The following SHCBP1 variants were observed in gnomAD, a reference collection of about 807,000 sequenced individuals.
SHCBP1 encodes SHC SH2 domain-binding protein 1.
SHCBP1 carries 60 observed loss-of-function variants against 75.1 expected under a neutral mutation model. That is an observed-to-expected ratio of 0.80 (90% CI 0.65 to 0.99). The LOEUF (loss-of-function observed/expected upper bound fraction) is 0.99, where lower values mean the gene tolerates loss of function less well. SHCBP1 is among the 50% of genes least tolerant of loss of function. The probability of loss-of-function intolerance (pLI) is 0.00; values close to 1 mark genes in which losing one functional copy is unlikely to be tolerated. For synonymous variants in SHCBP1, 290 were observed against 293.2 expected (o/e 0.99, Z 0.11); for missense variants, 709 against 809.4 (o/e 0.88, Z 1.50).
At chr16:46,599,140 C>T (rs967525778) in intron 9 of SHCBP1, among the ~76,000 whole-genome samples, 1 of 152,186 alleles carries the variant, frequency 6.6e-6, no homozygotes. Flanking sequence ...CATGTGTTCA[C>T]TAGAGTAGTG....
At chr16:46,592,353 T>C (rs914118358) in intron 10 of SHCBP1, among the ~76,000 whole-genome samples, 1 of 152,158 alleles carries the variant, frequency 6.6e-6, no homozygotes, top group Non-Finnish European at 1.5e-5. Context: ...AACTTAGAAG[T>C]AGTAGTCCAA....
chr16:46,607,273 T>G (rs957060612), intron 5 of SHCBP1, among the ~76,000 whole-genome samples: 1 of 152,104 alleles, frequency 6.6e-6, no homozygotes, highest in Non-Finnish European at 1.5e-5. Flanking sequence ...GAGGGACACT[T>G]GAGCCCAGGA....
At chr16:46,608,475 A>G in intron 4 of SHCBP1, 86 bp from the exon 5 acceptor site, 1 of 835,300 alleles carries the variant, frequency 1.2e-6, no homozygotes, top group Non-Finnish European at 2.0e-6. Context: ...AGAGTAAATC[A>G]AAACAATTCT....
rs1051810165 is a variant in SHCBP1, at chr16:46,604,076, T to C, written c.991A>G (p.Ile331Val). The C allele has an allele frequency of 1.2e-6, 2 of 1,614,224 alleles. No homozygotes were observed. Among genetic ancestry groups the C allele is most frequent in the Non-Finnish European group, 1.7e-6 (2 of 1,180,040 alleles). The change falls in exon 7 of 13, where the codon ATC becomes GTC. Residue 331 changes from isoleucine (I) to valine (V), a missense_variant. Physicochemically the swap from Ile to Val is conservative, Grantham distance 29. Coordinates refer to ENST00000303383, the MANE Select transcript of SHCBP1 (RefSeq NM_024745.5). ...AKGVRSSGQK[I>V]THVVSSTMMA... ...ATGGTGGAGGAGACCACATGAGTGA[T>C]CTTCTGACCGCTGGAACGGACACCC...
intron 10 of SHCBP1, among the ~76,000 whole-genome samples, chr16:46,595,344 A>G (rs1378696807): frequency 6.6e-6 from 1 of 152,238 alleles, no homozygotes; most frequent in Non-Finnish European, 1.5e-5. Flanking sequence ...TTAAAGCTAC[A>G]TAAAGTCATT....
In SHCBP1 at chr16:46,616,296, C is replaced by T. The variant is rs1043188770; in HGVS notation, c.388-142G>A. ...CCCATAATATAAAGGATGAACAAGACAGGCTGCCTCTTACCCTCATGGAGC... is the reference window on the plus strand; with the variant it reads ...CCCATAATATAAAGGATGAACAAGATAGGCTGCCTCTTACCCTCATGGAGC... On this transcript the variant is annotated intron_variant, in intron 3 of 12. Coordinates refer to ENST00000303383, the MANE Select transcript of SHCBP1 (RefSeq NM_024745.5). The surrounding 1 kb of genome is among the most constrained non-coding windows in gnomAD (Gnocchi z 4.4). 8.0e-6 allele frequency: 6 copies of T among 749,652 alleles called. No individual in the cohort carries two copies. The highest frequency in any genetic ancestry group is 1.3e-5 in the Non-Finnish European group (6 of 454,324). 46.4% of individuals were successfully genotyped at this position (749,652 alleles called of 1,614,324 possible).
chr16:46,591,857 A>T (rs1242508410), intron 10 of SHCBP1, among the ~76,000 whole-genome samples: 4 of 152,154 alleles, frequency 2.6e-5, no homozygotes, highest in African/African-American at 9.6e-5. Context: ...AGATAATAGT[A>T]AAACTCCAAA....
chr16:46,621,018 GC>G, intron 1 of SHCBP1: 2 of 429,564 alleles, frequency 4.7e-6, no homozygotes, highest in Non-Finnish European at 8.2e-6. Context: ...CTCGGGGCGG[GC>G]GGAGGCCAGA....
intron 10 of SHCBP1, 86 bp downstream of exon 10, chr16:46,595,466 A>G: frequency 9.9e-7 from 1 of 1,014,586 alleles, no homozygotes; most frequent in African/African-American, 1.6e-5. Flanking sequence ...GAGTGGGAGT[A>G]CACACATACA....
intron 10 of SHCBP1, among the ~76,000 whole-genome samples, chr16:46,588,944 C>A (rs1428616378): frequency 2.0e-5 from 3 of 152,186 alleles, no homozygotes; most frequent in Non-Finnish European, 2.9e-5. Context: ...CAAACCGAAT[C>A]CAGCAGCACA....
intron 4 of SHCBP1, among the ~76,000 whole-genome samples, chr16:46,614,200 T>C (rs2143001868): frequency 6.6e-6 from 1 of 152,272 alleles, no homozygotes; most frequent in Non-Finnish European, 1.5e-5. Flanking sequence ...TTGCATACAA[T>C]TAGAAACTGT....
chr16:46,586,765 C>G (rs1472042095), intron 10 of SHCBP1, among the ~76,000 whole-genome samples: 1 of 151,998 alleles, frequency 6.6e-6, no homozygotes, highest in Non-Finnish European at 1.5e-5. Flanking sequence ...GCATCAGAAA[C>G]CATGGACGTC....
At chr16:46,619,245 C>A (rs557487089) in intron 1 of SHCBP1, among the ~76,000 whole-genome samples, 4 of 152,300 alleles carry the variant, frequency 2.6e-5, no homozygotes, top group African/African-American at 9.6e-5. Context: ...GAAACAACTA[C>A]TAAATAAGCA....
chr16:46,603,390 A>G (rs1965273277), intron 8 of SHCBP1, 149 bp downstream of exon 8: 5 of 1,143,600 alleles, frequency 4.4e-6, no homozygotes, highest in South Asian at 3.1e-5. Context: ...ACCTCTTTTC[A>G]GCTTTCCATG....
chr16:46,601,774 G>T (rs1430097406), intron 8 of SHCBP1, among the ~76,000 whole-genome samples: 1 of 152,148 alleles, frequency 6.6e-6, no homozygotes, highest in Non-Finnish European at 1.5e-5. Flanking sequence ...ATTGCATATT[G>T]AGAAAAGATT....
chr16:46,588,717 A>G (rs1334598393), intron 10 of SHCBP1, among the ~76,000 whole-genome samples: 1 of 152,248 alleles, frequency 6.6e-6, no homozygotes, highest in African/African-American at 2.4e-5. Flanking sequence ...GACCAGACGG[A>G]TTCACAGCCG....
chr16:46,618,834 G>C (rs184206466), intron 1 of SHCBP1, among the ~76,000 whole-genome samples: 1 of 152,272 alleles, frequency 6.6e-6, no homozygotes, highest in East Asian at 1.9e-4. Flanking sequence ...TAATTCAGTG[G>C]AAATCACTCA....
chr16:46,600,179 A>T (rs1965211044), intron 8 of SHCBP1, among the ~76,000 whole-genome samples: 1 of 152,232 alleles, frequency 6.6e-6, no homozygotes, highest in Non-Finnish European at 1.5e-5. Context: ...CTAGTCCCGT[A>T]TCAGGAAGAC....
At chr16:46,593,055 T>C (rs1965076176) in intron 10 of SHCBP1, among the ~76,000 whole-genome samples, 2 of 148,736 alleles carry the variant, frequency 1.3e-5, no homozygotes, top group African/African-American at 4.9e-5. Flanking sequence ...CTAAATATAT[T>C]CTCTCTAATA....
Sources: gnomAD v4.1 joint callset for allele counts (sites outside exome capture counted in the v4.1 genomes callset) on GRCh38, gnomAD v4.1.1 for gene constraint, Gnocchi (gnomAD v3.1) non-coding constraint, MANE v1.5 for transcripts, NCBI Gene and HGNC (gene_info 2026-07-23, HGNC 2026-07-21) for gene names.